SWT1: variants seen among roughly 807,000 people sequenced by gnomAD.
SWT1 encodes SWT1 RNA endoribonuclease homolog.
In SWT1, 33 loss-of-function variants were observed where a neutral mutation model predicts 107.3. The ratio of observed to expected loss-of-function variants is 0.31; its 90% CI spans 0.23 to 0.41. The LOEUF (loss-of-function observed/expected upper bound fraction) is 0.41. Among genes scored for constraint, SWT1 ranks in the 10% least tolerant of loss-of-function variants. SWT1 has a pLI of 1.00. For synonymous variants in SWT1, 345 were observed against 348.3 expected (o/e 0.99, Z 0.11); for missense variants, 898 against 1,028.9 (o/e 0.87, Z 1.74).
chr1:185,260,756 A>T (rs1013294009), intron 16 of SWT1, among the ~76,000 whole-genome samples: 6 of 152,036 alleles, frequency 3.9e-5, no homozygotes, highest in South Asian at 2.1e-4. Flanking sequence ...AAAAACAAAG[A>T]GTCAAGTCAG....
chr1:185,236,596 G>A (rs191908425), intron 16 of SWT1, among the ~76,000 whole-genome samples: 12 of 152,198 alleles, frequency 7.9e-5, no homozygotes, highest in African/African-American at 2.6e-4. Context: ...TTAAACATAA[G>A]ACCTAAAACC....
chr1:185,188,974 T>C (rs954465758), intron 9 of SWT1, among the ~76,000 whole-genome samples: 2 of 152,092 alleles, frequency 1.3e-5, no homozygotes, highest in Admixed American at 6.5e-5. Context: ...ATTATTATTA[T>C]TATTTTATTC....
Position 185,184,745 on chromosome 1 carries a change from T to A in SWT1, c.1243T>A (p.Phe415Ile), listed in dbSNP as rs751294834. ...RILKTTEVPG[F>I]DKLVLIIPWV... ...TAAGAAATCTTTTTATTTTTTAGGT[T>A]TTGACAAACTTGTGTTAATAATTCC... The change falls in exon 9 of 19, where the codon TTT (phenylalanine) becomes ATT (isoleucine). Residue 415 changes from phenylalanine to isoleucine, a missense_variant and splice_region_variant. Phe to Ile is a conservative substitution (Grantham distance 21, BLOSUM62 0). This residue lies in a region of SWT1 where 94 missense variants were observed against 114.5 expected (regional missense o/e 0.82). Coordinates refer to ENST00000367500, the MANE Select transcript of SWT1 (RefSeq NM_017673.7). The A allele has an allele frequency of 1.9e-6, 3 of 1,604,048 alleles. No individual in the cohort carries two copies. In the South Asian group the frequency reaches 3.4e-5, roughly 18 times the overall value.
Position 185,206,745 on chromosome 1 carries a change from T to A in SWT1, c.1954T>A (p.Tyr652Asn). 1 of 1,598,406 alleles carries A rather than the reference T, an allele frequency of 6.3e-7. No homozygotes were observed. Among genetic ancestry groups the A allele is most frequent in the Non-Finnish European group, 8.5e-7 (1 of 1,173,814 alleles). ...CTTGCTTTTAACTATTGAGAGCCTA[T>A]ACAAAAATCTCCGTAAAGGTATGAA... The part of the protein sequence containing the change: ...KNLLLTIESL[Y>N]KNLRKANKAV... The change falls in exon 13 of 19, where the codon TAC (tyrosine) becomes AAC (asparagine). Residue 652 changes from tyrosine (Y) to asparagine (N), a missense_variant. By Grantham distance (143) the Tyr-to-Asn change is moderately radical. This residue lies in a region of SWT1 where 382 missense variants were observed against 460.0 expected (regional missense o/e 0.83). Coordinates refer to ENST00000367500, the MANE Select transcript of SWT1 (RefSeq NM_017673.7).
chr1:185,166,496 A>G, intron 2 of SWT1, 76 bp from the exon 3 acceptor site: 1 of 857,504 alleles, frequency 1.2e-6, no homozygotes, highest in Non-Finnish European at 1.8e-6. Flanking sequence ...TTGTAATACT[A>G]GTGATGAAAT....
rs112176909 is a variant in SWT1 at position 185,288,067 on chromosome 1, C to T, written c.2574-2607C>T. Among the ~76,000 whole-genome samples, 1,427 of 152,114 alleles carry T rather than the reference C, an allele frequency of 9.4e-3. 17 individuals are homozygous for T. The highest frequency in any genetic ancestry group is 0.032 in the African/African-American group (1,319 of 41,506). On this transcript the variant is annotated intron_variant, in intron 18 of 18. Transcript: ENST00000367500. Reference sequence around the variant, plus strand: ...AGGGGCCTACCCTTTTAGTTTGTTTCGTTTTTAAGTTTGTAAGAAAACATT... The same window carrying T: ...AGGGGCCTACCCTTTTAGTTTGTTTTGTTTTTAAGTTTGTAAGAAAACATT...
chr1:185,182,085 TC>T (rs1656067282), intron 7 of SWT1, 28 bp downstream of exon 7: 2 of 1,584,080 alleles, frequency 1.3e-6, no homozygotes, highest in South Asian at 2.3e-5. Context: ...ATGTGTATGC[TC>T]CCCTATGCTT....
intron 5 of SWT1, chr1:185,176,670 T>C (rs1311431957): frequency 1.0e-6 from 1 of 985,250 alleles, no homozygotes; most frequent in Non-Finnish European, 1.2e-6. Context: ...TGGTTAAGCC[T>C]ACCTGCTTTT....
chr1:185,208,471 C>T (rs188500505), intron 13 of SWT1, among the ~76,000 whole-genome samples: 33 of 152,210 alleles, frequency 2.2e-4, no homozygotes, highest in Admixed American at 1.0e-3. Flanking sequence ...TTAACAGTTA[C>T]GTATTGTGTA....
intron 16 of SWT1, among the ~76,000 whole-genome samples, chr1:185,259,954 A>G (rs141967375): frequency 1.6e-4 from 25 of 152,300 alleles, no homozygotes; most frequent in African/African-American, 6.0e-4. Context: ...TATCAGCAGT[A>G]CGTTTGCAAA....
intron 5 of SWT1, among the ~76,000 whole-genome samples, chr1:185,179,564 C>G (rs143521576): frequency 6.6e-6 from 1 of 152,212 alleles, no homozygotes; most frequent in African/African-American, 2.4e-5. Context: ...TTCAGCTTTT[C>G]TTTTTTAGCC....
chr1:185,178,948 A>T (rs1319359640), intron 5 of SWT1, among the ~76,000 whole-genome samples: 1 of 152,216 alleles, frequency 6.6e-6, no homozygotes, highest in Non-Finnish European at 1.5e-5. Flanking sequence ...AATTCTCAGT[A>T]AAGCATTTCT....
intron 16 of SWT1, among the ~76,000 whole-genome samples, chr1:185,239,415 G>A (rs907750882): frequency 8.5e-5 from 13 of 152,116 alleles, no homozygotes; most frequent in African/African-American, 2.9e-4. Flanking sequence ...AAACATGATT[G>A]TGGTTAAGAT....
rs575396880 is a variant in SWT1 at position 185,278,535 on chromosome 1, C to G, written c.2573+1867C>G. Among the ~76,000 whole-genome samples, 7 of 152,298 alleles carry G rather than the reference C, an allele frequency of 4.6e-5. No homozygotes were observed. In the South Asian group the frequency reaches 1.4e-3, roughly 32 times the overall value. ...TAGGCCCAGGCAAATTCATGAGGAGCTAAAACTGTTTAATTCCTTCACTGT... is the reference window on the plus strand; with the variant it reads ...TAGGCCCAGGCAAATTCATGAGGAGGTAAAACTGTTTAATTCCTTCACTGT... On this transcript the variant is annotated intron_variant, in intron 18 of 18. Coordinates refer to ENST00000367500, the MANE Select transcript of SWT1 (RefSeq NM_017673.7).
chr1:185,240,756 AGC>A (rs1467749521), intron 16 of SWT1, among the ~76,000 whole-genome samples: 1 of 152,088 alleles, frequency 6.6e-6, no homozygotes, highest in Non-Finnish European at 1.5e-5. Flanking sequence ...TACTTTAGAC[AGC>A]TATTTTTCTA....
At chr1:185,210,538 AAAAT>A (rs1558042883) in intron 13 of SWT1, among the ~76,000 whole-genome samples, 1 of 152,168 alleles carries the variant, frequency 6.6e-6, no homozygotes, top group Non-Finnish European at 1.5e-5. Context: ...AACGTATCTC[AAAAT>A]AAATAAATAG....
intron 15 of SWT1, chr1:185,227,417 AT>A: frequency 6.0e-6 from 4 of 663,318 alleles, no homozygotes; most frequent in Non-Finnish European, 1.1e-5. Flanking sequence ...CCGCAGCATA[AT>A]TTTTCAGGCC....
intron 10 of SWT1, among the ~76,000 whole-genome samples, chr1:185,197,478 C>T (rs548913285): frequency 6.0e-5 from 9 of 148,766 alleles, no homozygotes; most frequent in African/African-American, 1.2e-4. Context: ...TGGCCTCATG[C>T]GTTAGGGAGG....
intron 16 of SWT1, among the ~76,000 whole-genome samples, chr1:185,249,155 GC>G (rs1005685770): frequency 1.3e-5 from 2 of 152,130 alleles, no homozygotes; most frequent in African/African-American, 4.8e-5. Flanking sequence ...CAAGTGAAAC[GC>G]CAATATGTGG....
Sources: gnomAD v4.1 joint callset for allele counts (sites outside exome capture counted in the v4.1 genomes callset) on GRCh38, gnomAD v4.1.1 for gene constraint, gnomAD v4.1.1 regional missense constraint, MANE v1.5 for transcripts, NCBI Gene and HGNC (gene_info 2026-07-23, HGNC 2026-07-21) for gene names.